Variants in NTRK2 observed in about 807,000 individuals in gnomAD.
The protein encoded by NTRK2 is BDNF/NT-3 growth factors receptor.
A neutral mutation model predicts 94.5 loss-of-function variants in NTRK2; 13 were observed. That is an observed-to-expected ratio of 0.14 (90% confidence interval 0.09 to 0.22). The LOEUF is 0.22. Ranked by LOEUF, NTRK2 falls within the 10% of genes least tolerant of loss-of-function variation. The pLI is 1.00. For synonymous variants in NTRK2, 372 were observed against 407.4 expected (o/e 0.91, Z 1.05); for missense variants, 639 against 1,071.2 (o/e 0.60, Z 5.63).
At chr9:84,693,320 C>A (rs1425987348) in intron 2 of NTRK2, among the ~76,000 whole-genome samples, 3 of 152,030 alleles carry the variant, frequency 2.0e-5, no homozygotes, top group African/African-American at 7.2e-5. Flanking sequence ...GTTATCCTTT[C>A]ATTATAGAGA....
chr9:84,997,385 G>C (rs1215021701), intron 17 of NTRK2, among the ~76,000 whole-genome samples: 2 of 152,102 alleles, frequency 1.3e-5, no homozygotes, highest in African/African-American at 4.8e-5. Flanking sequence ...TGGCTTTAAG[G>C]AATCTGTCCC....
Position 84,681,703 on chromosome 9 carries a change from A to G in NTRK2, c.212+10743A>G, listed in dbSNP as rs527477509. 4.3e-4 allele frequency among the ~76,000 whole-genome samples: 65 copies of G among 152,274 alleles called. 2 individuals are homozygous for G. In the Middle Eastern group the frequency reaches 0.027, roughly 64 times the overall value. On this transcript the variant is annotated intron_variant, in intron 2 of 18. Transcript: ENST00000277120. ...CTCCAGTCTTGTCCCCTCTCTGCCC[A>G]TACGCCACACTGTAGCTGGAGCGGT...
chr9:84,864,884 G>A (rs1022105000), intron 13 of NTRK2, among the ~76,000 whole-genome samples: 6 of 151,734 alleles, frequency 4.0e-5, no homozygotes, highest in African/African-American at 1.5e-4. Context: ...GGGATTACAG[G>A]TGCACGCCAC....
At chr9:84,917,821 G>A (rs142861311) in intron 14 of NTRK2, among the ~76,000 whole-genome samples, 49 of 152,258 alleles carry the variant, frequency 3.2e-4, no homozygotes, top group African/African-American at 9.9e-4. Context: ...ACAGTCAGGC[G>A]CCAGAGAGAG....
At chr9:85,001,679 TCA>T (rs942786451) in intron 17 of NTRK2, among the ~76,000 whole-genome samples, 3 of 152,370 alleles carry the variant, frequency 2.0e-5, no homozygotes, top group Non-Finnish European at 4.4e-5. Flanking sequence ...TATCTCTTGC[TCA>T]CTCCTGCTCC....
At chr9:85,008,636 G>A (rs1454480383) in intron 17 of NTRK2, among the ~76,000 whole-genome samples, 1 of 152,146 alleles carries the variant, frequency 6.6e-6, no homozygotes, top group Non-Finnish European at 1.5e-5. Flanking sequence ...AAAAACCTGG[G>A]CTTAAAGGGA....
At chr9:84,963,551 A>G (rs1240433726) in intron 17 of NTRK2, among the ~76,000 whole-genome samples, 4 of 152,172 alleles carry the variant, frequency 2.6e-5, no homozygotes, top group Admixed American at 1.3e-4. Flanking sequence ...GGTCTTGGGC[A>G]ATTTGATTAT....
chr9:84,877,872 T>C (rs993468171), intron 14 of NTRK2: 2 of 1,030,776 alleles, frequency 1.9e-6, no homozygotes, highest in East Asian at 6.1e-5. Context: ...CAAACGCATA[T>C]ACCAATAAAG....
chr9:85,017,447 A>T (rs1401552419), intron 17 of NTRK2, among the ~76,000 whole-genome samples: 1 of 152,212 alleles, frequency 6.6e-6, no homozygotes, highest in African/African-American at 2.4e-5. Context: ...GCAGCTGTGA[A>T]TATCCAGGTA....
At chr9:84,928,143 A>AT (rs1017976009) in intron 14 of NTRK2, among the ~76,000 whole-genome samples, 3 of 152,100 alleles carry the variant, frequency 2.0e-5, no homozygotes, top group African/African-American at 4.8e-5. Context: ...AATTGCATTT[A>AT]TTTTTTAATT....
chr9:84,810,974 T>C (rs1458343996), intron 12 of NTRK2: 1 of 1,118,390 alleles, frequency 8.9e-7, no homozygotes, highest in Non-Finnish European at 1.1e-6. Flanking sequence ...AAAATTGACC[T>C]GCAAAGTTAA....
chr9:84,670,622 C>T lies in NTRK2; in HGVS notation c.-127C>T. 2 of 928,466 alleles carry T rather than the reference C, an allele frequency of 2.2e-6. No homozygotes were observed. Among genetic ancestry groups the T allele is most frequent in the Non-Finnish European group, 1.7e-6 (1 of 581,302 alleles). The allele number at this position is 928,466 out of a possible 1,614,324, so 57.5% of individuals were successfully genotyped here. On this transcript the variant is annotated 5_prime_UTR_variant, in exon 2 of 19. Transcript: ENST00000277120. ...TCAGCCTCTGATAAGCTGGACTCGG[C>T]ACGCCCGCAACAAGCACCGAGGAGT...
chr9:84,923,903 C>CAA (rs112673384), intron 14 of NTRK2, among the ~76,000 whole-genome samples: 2 of 133,776 alleles, frequency 1.5e-5, no homozygotes, highest in South Asian at 2.4e-4. Context: ...GACTCCATCT[C>CAA]AAAAAAAAAA....
At chr9:84,958,309 T>G (rs535871543) in intron 17 of NTRK2, among the ~76,000 whole-genome samples, 1 of 152,180 alleles carries the variant, frequency 6.6e-6, no homozygotes, top group Non-Finnish European at 1.5e-5. Context: ...AGCAAAACAG[T>G]GACCATCATT....
At chr9:84,732,260 G>A (rs1421209866) in intron 9 of NTRK2, among the ~76,000 whole-genome samples, 1 of 152,164 alleles carries the variant, frequency 6.6e-6, no homozygotes, top group African/African-American at 2.4e-5. Context: ...GATCTTCCCT[G>A]GTTCCCAGAA....
Position 84,707,929 on chromosome 9 carries a change from T to C in NTRK2, c.428+17T>C. ...GTCTGAACTGTAAGTAATGATTTTG[T>C]GTGGCATTTGGGGAAATGTTTTCAA... is the stretch of plus-strand genomic sequence containing the variant. On this transcript the variant is annotated intron_variant, in intron 5 of 18. Coordinates refer to ENST00000277120, the MANE Select transcript of NTRK2 (RefSeq NM_006180.6). 6.2e-7 allele frequency: 1 copy of C among 1,605,342 alleles called. No homozygotes were observed. The highest frequency in any genetic ancestry group is 2.2e-5 in the East Asian group (1 of 44,706).
Position 84,998,116 on chromosome 9 carries a change from T to C in NTRK2, c.2173-22090T>C, listed in dbSNP as rs565965723. On this transcript the variant is annotated intron_variant, in intron 17 of 18. Transcript: ENST00000277120. ...GCTCAGCTTGGAAGTGTTGGGATCT[T>C]TAAGCAGTGGGAGGCAGAAGCCTGA... is the stretch of plus-strand genomic sequence containing the variant. 1.9e-4 allele frequency among the ~76,000 whole-genome samples: 29 copies of C among 152,330 alleles called. 1 individual carries two copies. In the South Asian group the frequency reaches 5.6e-3, roughly 29 times the overall value.
intron 14 of NTRK2, among the ~76,000 whole-genome samples, chr9:84,891,325 C>A (rs1319008389): frequency 7.8e-6 from 1 of 127,848 alleles, no homozygotes; most frequent in Non-Finnish European, 1.6e-5. Flanking sequence ...GTTAAAATAG[C>A]CTAGATTCAA....
At chr9:84,802,172 AT>A (rs1251657635) in intron 12 of NTRK2, among the ~76,000 whole-genome samples, 4 of 151,964 alleles carry the variant, frequency 2.6e-5, no homozygotes, top group Non-Finnish European at 5.9e-5. Context: ...TCTAAAATGC[AT>A]TTTTTTTCCA....
Sources: allele counts gnomAD v4.1 joint callset (sites outside exome capture counted in the v4.1 genomes callset), GRCh38; gene constraint gnomAD v4.1.1; transcripts MANE v1.5; gene names NCBI Gene and HGNC (gene_info 2026-07-23, HGNC 2026-07-21).